Variants in OSBP2 observed in about 807,000 individuals in gnomAD.
The protein encoded by OSBP2 is oxysterol-binding protein 2.
A neutral mutation model predicts 96.0 loss-of-function variants in OSBP2; 66 were observed. That is an observed-to-expected ratio of 0.69 (90% CI 0.56 to 0.84). OSBP2 has a LOEUF of 0.84. Among genes scored for constraint, OSBP2 ranks in the 40% least tolerant of loss-of-function variants. The probability of loss-of-function intolerance (pLI) is 0.00; values close to 1 mark genes in which losing one functional copy is unlikely to be tolerated. For synonymous variants in OSBP2, 525 were observed against 520.9 expected (o/e 1.01, Z -0.11); for missense variants, 1,038 against 1,222.7 (o/e 0.85, Z 2.25).
chr22:30,694,373 C>G (rs1458282311), upstream of OSBP2: 3 of 1,512,792 alleles, frequency 2.0e-6, no homozygotes, highest in Non-Finnish European at 8.8e-7. Flanking sequence ...GGCGGGGCGT[C>G]GTCTTTAGCC....
intron 2 of OSBP2, among the ~76,000 whole-genome samples, chr22:30,775,726 T>G (rs2090424082): frequency 6.6e-6 from 1 of 152,226 alleles, no homozygotes; most frequent in South Asian, 2.1e-4. Context: ...TATTGTTGTT[T>G]TCAATTTTTA....
At chr22:30,749,271 T>A (rs2090043997) in intron 2 of OSBP2, among the ~76,000 whole-genome samples, 1 of 152,246 alleles carries the variant, frequency 6.6e-6, no homozygotes, top group South Asian at 2.1e-4. Flanking sequence ...CAAAACCTAC[T>A]CTTAAACTAA....
chr22:30,766,543 C>A (rs1260184660), intron 2 of OSBP2, among the ~76,000 whole-genome samples: 1 of 152,160 alleles, frequency 6.6e-6, no homozygotes, highest in Non-Finnish European at 1.5e-5. Context: ...AGGCCTGGAG[C>A]CCGTGTAGTG....
chr22:30,709,864 C>A (rs1441006332), intron 1 of OSBP2, among the ~76,000 whole-genome samples: 1 of 151,730 alleles, frequency 6.6e-6, no homozygotes, highest in African/African-American at 2.4e-5. Context: ...ATCACTTCAT[C>A]CTCATTTATT....
intron 2 of OSBP2, among the ~76,000 whole-genome samples, chr22:30,789,848 A>C (rs749293314): frequency 5.3e-5 from 8 of 152,198 alleles, no homozygotes; most frequent in Non-Finnish European, 8.8e-5. Flanking sequence ...TGTCTGCAAC[A>C]GCTTTGCATC....
At chr22:30,717,086 G>GTTTTTTTTTTTTTT (rs144392805) in intron 1 of OSBP2, among the ~76,000 whole-genome samples, 6 of 96,540 alleles carry the variant, frequency 6.2e-5, no homozygotes, top group Non-Finnish European at 8.5e-5. Context: ...TAATTTTACT[G>GTTTTTTTTTTTTTT]TTTTTGTGTG....
chr22:30,850,081 T>A (rs996856388), intron 2 of OSBP2, among the ~76,000 whole-genome samples: 34 of 152,184 alleles, frequency 2.2e-4, no homozygotes, highest in Middle Eastern at 3.4e-3. Flanking sequence ...GGCGGGTGGA[T>A]CATTTGAATT....
At chr22:30,765,067 T>A (rs963416359) in intron 2 of OSBP2, among the ~76,000 whole-genome samples, 35 of 151,944 alleles carry the variant, frequency 2.3e-4, no homozygotes, top group African/African-American at 8.0e-4. Context: ...TTAATTTAAA[T>A]TTTTTTTATA....
At chr22:30,826,816 T>C (rs149170826) in intron 2 of OSBP2, among the ~76,000 whole-genome samples, 1 of 152,320 alleles carries the variant, frequency 6.6e-6, no homozygotes, top group East Asian at 1.9e-4. Flanking sequence ...CTTCCTGTTC[T>C]TCCTCTGGGG....
intron 2 of OSBP2, among the ~76,000 whole-genome samples, chr22:30,830,608 G>C (rs561021691): frequency 7.9e-5 from 12 of 152,322 alleles, no homozygotes; most frequent in African/African-American, 2.9e-4. Context: ...CTGCTCATCT[G>C]CCTGGCAAAA....
chr22:30,817,713 C>A (rs934741899), intron 2 of OSBP2, among the ~76,000 whole-genome samples: 3 of 152,166 alleles, frequency 2.0e-5, no homozygotes, highest in Admixed American at 6.5e-5. Context: ...ATGCACCTAC[C>A]ATGTGCTAGA....
chr22:30,886,645 G>A (rs2147146710), intron 3 of OSBP2, among the ~76,000 whole-genome samples: 2 of 152,266 alleles, frequency 1.3e-5, no homozygotes, highest in Middle Eastern at 3.4e-3. Context: ...TTTCTTCCTT[G>A]ACTCGTAATG....
chr22:30,749,944 G>A (rs907462819), intron 2 of OSBP2, among the ~76,000 whole-genome samples: 2 of 152,158 alleles, frequency 1.3e-5, no homozygotes, highest in Non-Finnish European at 2.9e-5. Flanking sequence ...AGAACCAGGA[G>A]TGGAAGCAGT....
chr22:30,816,142 T>G (rs1386675696), intron 2 of OSBP2, among the ~76,000 whole-genome samples: 1 of 152,098 alleles, frequency 6.6e-6, no homozygotes, highest in Non-Finnish European at 1.5e-5. Context: ...AAATAAAAAG[T>G]TTTGACAACT....
chr22:30,898,778 C>T (rs2040121728), intron 12 of OSBP2, among the ~76,000 whole-genome samples: 2 of 151,748 alleles, frequency 1.3e-5, no homozygotes, highest in Non-Finnish European at 1.5e-5. Context: ...TATCCCAGCA[C>T]TTTGGAAGGC....
chr22:30,824,670 C>T (rs910217644), intron 2 of OSBP2, among the ~76,000 whole-genome samples: 2 of 152,160 alleles, frequency 1.3e-5, no homozygotes, highest in African/African-American at 2.4e-5. Context: ...GTTTTATACA[C>T]GTCAAAGGGT....
chr22:30,747,351 C>T (rs1307112199), intron 2 of OSBP2, among the ~76,000 whole-genome samples: 2 of 152,090 alleles, frequency 1.3e-5, no homozygotes, highest in Non-Finnish European at 2.9e-5. Flanking sequence ...CATGGTGGCA[C>T]ACGCCTGTAA....
rs199798258 is a variant in OSBP2 at position 30,887,440 on chromosome 22, C to T, written c.1122C>T (p.Phe374=). The change falls in exon 4 of 14, where the codon TTC becomes TTT. Residue 374 remains phenylalanine (F), a synonymous_variant. Transcript: ENST00000332585. ...SNAMINACRD[F]LELAEIHSRK... is the part of the protein sequence containing the mutation. ...TCCCTCCCCAGGCCTGCAGGGACTT[C>T]TTGGAACTAGCAGAGATACACAGTC... The T allele has an allele frequency of 4.1e-5, 66 of 1,613,352 alleles. No individual in the cohort carries two copies. In the East Asian group the frequency reaches 1.4e-3, roughly 34 times the overall value.
chr22:30,764,031 T>A (rs1169065439), intron 2 of OSBP2, among the ~76,000 whole-genome samples: 1 of 152,232 alleles, frequency 6.6e-6, no homozygotes, highest in Non-Finnish European at 1.5e-5. Flanking sequence ...AATCTCTCCG[T>A]ACCTGTGAGT....
Sources: gnomAD v4.1 joint callset for allele counts (sites outside exome capture counted in the v4.1 genomes callset) on GRCh38, gnomAD v4.1.1 for gene constraint, MANE v1.5 for transcripts, NCBI Gene and HGNC (gene_info 2026-07-23, HGNC 2026-07-21) for gene names.